SLIT1: variants seen among roughly 807,000 people sequenced by gnomAD.
SLIT1 encodes the protein slit guidance ligand 1, also known as slit homolog 1 protein.
SLIT1 carries 66 observed loss-of-function variants against 186.1 expected under a neutral mutation model. That is an observed-to-expected ratio of 0.35 (90% CI 0.29 to 0.44). The LOEUF is 0.44. Among genes scored for constraint, SLIT1 ranks in the 20% least tolerant of loss-of-function variants. The probability of loss-of-function intolerance (pLI) is 1.00; values close to 1 mark genes in which losing one functional copy is unlikely to be tolerated. For synonymous variants in SLIT1, 761 were observed against 833.8 expected (o/e 0.91, Z 1.50); for missense variants, 1,638 against 2,037.4 (o/e 0.80, Z 3.77).
chr10:97,002,602 G>A, intron 35 of SLIT1, 102 bp downstream of exon 35: 1 of 1,153,520 alleles, frequency 8.7e-7, no homozygotes, highest in Non-Finnish European at 1.2e-6. Context: ...CCTGGCTTAG[G>A]CTACATGTTC....
At position 97,122,936 on chromosome 10, in the gene SLIT1, C is replaced by T. The variant is rs556101541; in HGVS notation, c.413+34882G>A. On this transcript the variant is annotated intron_variant, in intron 4 of 36. Coordinates refer to ENST00000266058, the MANE Select transcript of SLIT1 (RefSeq NM_003061.3). ...TCTCTACCTTGAGGCTCATCCCCTC[C>T]AGCATCTCCAGGCCCCTCAACTTGT... 4.6e-5 allele frequency among the ~76,000 whole-genome samples: 7 copies of T among 152,318 alleles called. No homozygotes were observed. In the South Asian group the frequency reaches 1.5e-3, roughly 32 times the overall value.
intron 4 of SLIT1, among the ~76,000 whole-genome samples, chr10:97,121,514 T>A (rs976172597): frequency 4.6e-5 from 7 of 152,198 alleles, no homozygotes; most frequent in Non-Finnish European, 1.0e-4. Flanking sequence ...GAGGTCACCA[T>A]TATTAACCTA....
Position 97,126,133 on chromosome 10 carries a change from T to G in SLIT1, c.413+31685A>C, listed in dbSNP as rs535366742. Reference sequence around the variant, plus strand: ...TCATTTTATATGTCTCCGTCTTATTTAATTTTTTAAACTAGGTATTAGATT... The same window carrying G: ...TCATTTTATATGTCTCCGTCTTATTGAATTTTTTAAACTAGGTATTAGATT... On this transcript the variant is annotated intron_variant, in intron 4 of 36. Transcript: ENST00000266058. Among the ~76,000 whole-genome samples, 4 of 152,350 alleles carry G rather than the reference T, an allele frequency of 2.6e-5. No homozygotes were observed. In the South Asian group the frequency reaches 8.3e-4, roughly 32 times the overall value.
intron 4 of SLIT1, among the ~76,000 whole-genome samples, chr10:97,123,197 A>C (rs1366486728): frequency 1.3e-5 from 2 of 152,220 alleles, no homozygotes; most frequent in African/African-American, 4.8e-5. Flanking sequence ...TGATCTTCTG[A>C]AGTCAATGCC....
intron 1 of SLIT1, among the ~76,000 whole-genome samples, chr10:97,166,797 C>T (rs1263548900): frequency 6.6e-6 from 1 of 152,112 alleles, no homozygotes; most frequent in African/African-American, 2.4e-5. Flanking sequence ...ATTATGCACA[C>T]CCTCACACAA....
chr10:97,114,753 C>T (rs983656425), intron 4 of SLIT1, among the ~76,000 whole-genome samples: 2 of 152,162 alleles, frequency 1.3e-5, no homozygotes, highest in African/African-American at 4.8e-5. Context: ...TAAGGAAGCT[C>T]GTCTCCCTAG....
At chr10:97,126,670 C>T (rs1375134851) in intron 4 of SLIT1, among the ~76,000 whole-genome samples, 1 of 152,226 alleles carries the variant, frequency 6.6e-6, no homozygotes, top group African/African-American at 2.4e-5. Context: ...AGGAGGCATT[C>T]CCCAACCTCA....
At chr10:97,078,877 C>A (rs545022907) in intron 4 of SLIT1, among the ~76,000 whole-genome samples, 22 of 152,270 alleles carry the variant, frequency 1.4e-4, no homozygotes, top group African/African-American at 5.3e-4. Context: ...GGGAATGCAC[C>A]GGGGAGTATG....
chr10:97,039,168 G>T (rs542609084), intron 21 of SLIT1, among the ~76,000 whole-genome samples: 5 of 152,148 alleles, frequency 3.3e-5, no homozygotes, highest in Non-Finnish European at 5.9e-5. Flanking sequence ...CCTGGGGGTG[G>T]GGGGAGAAAA....
At chr10:97,028,057 C>G (rs1002670267) in intron 25 of SLIT1, among the ~76,000 whole-genome samples, 2 of 152,162 alleles carry the variant, frequency 1.3e-5, no homozygotes, top group African/African-American at 4.8e-5. Context: ...TGGTGCCCAG[C>G]AGAGACAAGC....
At chr10:97,178,884 G>GT (rs1850292933) in intron 1 of SLIT1, among the ~76,000 whole-genome samples, 1 of 151,984 alleles carries the variant, frequency 6.6e-6, no homozygotes, top group Non-Finnish European at 1.5e-5. Flanking sequence ...TCATTTATTT[G>GT]TTTTTTAAAA....
At chr10:97,103,187 A>C (rs1849377491) in intron 4 of SLIT1, 1 of 152,264 alleles carries the variant, frequency 6.6e-6, no homozygotes, top group Non-Finnish European at 1.5e-5. Flanking sequence ...AGTCCAAGAG[A>C]GGGCTGGCTG....
At chr10:97,036,898 C>T (rs965739519) in intron 22 of SLIT1, among the ~76,000 whole-genome samples, 8 of 152,156 alleles carry the variant, frequency 5.3e-5, no homozygotes, top group Non-Finnish European at 7.4e-5. Flanking sequence ...AAAGCAGAGG[C>T]GTAGCCTGAA....
rs1179300818 is a variant in SLIT1, at chr10:97,057,140, A to G, written c.1157+70T>C. 3.2e-6 allele frequency: 4 copies of G among 1,243,376 alleles called. No homozygotes were observed. In the Admixed American group the frequency reaches 7.2e-5, roughly 22 times the overall value. 77.0% of individuals were successfully genotyped at this position (1,243,376 alleles called of 1,614,324 possible). A position where few individuals can be genotyped will look rare whatever the true frequency, so the allele number is the denominator to read the frequency against. ...ATACCCAAGAGAGGCCTAAAGGGAC[A>G]GTCTAGCAGGCCAGAGGAAAGCTGG... is the stretch of plus-strand genomic sequence containing the variant. On this transcript the variant is annotated intron_variant, in intron 12 of 36. Coordinates refer to ENST00000266058, the MANE Select transcript of SLIT1 (RefSeq NM_003061.3).
intron 4 of SLIT1, among the ~76,000 whole-genome samples, chr10:97,091,972 C>A (rs533406289): frequency 6.6e-6 from 1 of 152,372 alleles, no homozygotes; most frequent in South Asian, 2.1e-4. Context: ...AAAGGGCAAC[C>A]TTGGCAGAAA....
intron 13 of SLIT1, among the ~76,000 whole-genome samples, chr10:97,051,253 T>C (rs1367301020): frequency 1.7e-5 from 1 of 58,580 alleles, no homozygotes; most frequent in Non-Finnish European, 4.0e-5. Context: ...ATGGCTAGAA[T>C]CAAAATGCAA....
chr10:97,105,740 G>C (rs991441440), intron 4 of SLIT1, among the ~76,000 whole-genome samples: 2 of 152,208 alleles, frequency 1.3e-5, no homozygotes, highest in African/African-American at 2.4e-5. Flanking sequence ...AATGGGGCCA[G>C]GACACATGGA....
At chr10:97,173,494 CTTTTTT>C (rs71007318) in intron 1 of SLIT1, among the ~76,000 whole-genome samples, 3 of 128,202 alleles carry the variant, frequency 2.3e-5, no homozygotes, top group Non-Finnish European at 3.2e-5. Context: ...CAGCTCCATC[CTTTTTT>C]TTTTTTTTTT....
chr10:97,028,881 T>A (rs969981896), intron 25 of SLIT1, among the ~76,000 whole-genome samples: 7 of 152,340 alleles, frequency 4.6e-5, no homozygotes, highest in Non-Finnish European at 8.8e-5. Flanking sequence ...AACCTAGGAC[T>A]GTAAAATGGA....
Sources: gnomAD v4.1 joint callset for allele counts (sites outside exome capture counted in the v4.1 genomes callset) on GRCh38, gnomAD v4.1.1 for gene constraint, MANE v1.5 for transcripts, NCBI Gene and HGNC (gene_info 2026-07-23, HGNC 2026-07-21) for gene names.